Variants in LUC7L observed in about 807,000 individuals in gnomAD.
LUC7L encodes LUC7 like, also known as putative RNA-binding protein Luc7-like 1.
LUC7L carries 29 observed loss-of-function variants against 51.1 expected under a neutral mutation model. That is an observed-to-expected ratio of 0.57 (90% CI 0.42 to 0.77). The LOEUF is 0.77. Ranked by LOEUF, LUC7L falls within the 30% of genes least tolerant of loss-of-function variation. The probability of loss-of-function intolerance (pLI) is 0.00; values close to 1 mark genes in which losing one functional copy is unlikely to be tolerated. For synonymous variants in LUC7L, 181 were observed against 180.7 expected (o/e 1.00, Z -0.01); for missense variants, 403 against 511.9 (o/e 0.79, Z 2.05).
intron 9 of LUC7L, 38 bp downstream of exon 9, chr16:189,930 C>T (rs766191657): frequency 6.3e-7 from 1 of 1,585,256 alleles, no homozygotes; most frequent in Non-Finnish European, 8.6e-7. Flanking sequence ...GAAGGGCTCA[C>T]TCCTGGTTGC....
intron 5 of LUC7L, among the ~76,000 whole-genome samples, chr16:202,437 C>T (rs141622728): frequency 1.4e-4 from 22 of 152,252 alleles, no homozygotes; most frequent in African/African-American, 5.3e-4. Flanking sequence ...CACATCCAAA[C>T]CGTATCAAGT....
intron 3 of LUC7L, among the ~76,000 whole-genome samples, chr16:217,519 C>T (rs2049837990): frequency 6.6e-6 from 1 of 151,166 alleles, no homozygotes; most frequent in African/African-American, 2.4e-5. Context: ...CCAGCCTGGC[C>T]AACATGACAA....
chr16:228,305 A>T, intron 1 of LUC7L: 1 of 1,303,792 alleles, frequency 7.7e-7, no homozygotes. Context: ...TTTTTGTTAT[A>T]ACAGCTTAGA....
At chr16:227,920 T>G in intron 1 of LUC7L, 1 of 1,003,220 alleles carries the variant, frequency 1.0e-6, no homozygotes, top group Non-Finnish European at 1.2e-6. Context: ...AACAAGACAA[T>G]ACCAAAAAAA....
chr16:224,392 G>A (rs548219076), intron 2 of LUC7L, among the ~76,000 whole-genome samples: 2 of 151,844 alleles, frequency 1.3e-5, no homozygotes, highest in African/African-American at 2.4e-5. Flanking sequence ...GGTAGCGCAC[G>A]TTTGTAATCC....
At chr16:226,577 A>T (rs2050138510) in intron 2 of LUC7L, among the ~76,000 whole-genome samples, 1 of 152,226 alleles carries the variant, frequency 6.6e-6, no homozygotes, top group South Asian at 2.1e-4. Context: ...TACAAAATCA[A>T]TGTATCCTCA....
At chr16:217,142 G>A (rs907224431) in intron 3 of LUC7L, among the ~76,000 whole-genome samples, 9 of 151,958 alleles carry the variant, frequency 5.9e-5, no homozygotes, top group East Asian at 5.8e-4. Flanking sequence ...TCAGTCTCCC[G>A]AGTAGTTGGG....
At chr16:200,677 A>AT (rs1386052620) in intron 5 of LUC7L, among the ~76,000 whole-genome samples, 1 of 152,062 alleles carries the variant, frequency 6.6e-6, no homozygotes, top group Non-Finnish European at 1.5e-5. Context: ...GCCCCAGGAG[A>AT]TTGAGATCAC....
intron 7 of LUC7L, chr16:190,925 T>G: frequency 3.1e-5 from 6 of 193,248 alleles, no homozygotes; most frequent in Non-Finnish European, 5.3e-5. Flanking sequence ...AGCACCCCTA[T>G]TCCTCACCCT....
intron 5 of LUC7L, among the ~76,000 whole-genome samples, chr16:200,099 GC>G (rs956700819): frequency 1.3e-5 from 2 of 151,784 alleles, no homozygotes; most frequent in African/African-American, 2.4e-5. Context: ...GACGAGCCTG[GC>G]AACATAGCAA....
At chr16:192,790 G>T in intron 7 of LUC7L, 137 bp downstream of exon 7, 12 of 761,076 alleles carry the variant, frequency 1.6e-5, no homozygotes, top group Non-Finnish European at 2.7e-5. Context: ...GGCGTGAGCC[G>T]CCAGGCCTGG....
intron 2 of LUC7L, among the ~76,000 whole-genome samples, chr16:226,169 C>T (rs957220877): frequency 1.3e-5 from 2 of 152,228 alleles, no homozygotes; most frequent in Admixed American, 1.3e-4. Flanking sequence ...TTCGCATTTG[C>T]TGTCAGAAAA....
Position 189,967 on chromosome 16 carries a change from C to G in LUC7L, c.974+1G>C. 6 of 1,610,878 alleles carry G rather than the reference C, an allele frequency of 3.7e-6. No homozygotes were observed. Among genetic ancestry groups the G allele is most frequent in the Non-Finnish European group, 5.1e-6 (6 of 1,177,598 alleles). Reference sequence around the variant, plus strand: ...GCTACCGAAGGAGTCAGAGTAGTTACTTGTATTTCGCACTTCGGTCCCGGG... The same window carrying G: ...GCTACCGAAGGAGTCAGAGTAGTTAGTTGTATTTCGCACTTCGGTCCCGGG... On this transcript the variant is annotated splice_donor_variant, in intron 9 of 9. Transcript: ENST00000293872. LOFTEE classifies it high-confidence loss of function.
At chr16:198,669 T>C (rs553651464) in intron 6 of LUC7L, among the ~76,000 whole-genome samples, 49 of 152,234 alleles carry the variant, frequency 3.2e-4, no homozygotes, top group African/African-American at 1.1e-3. Flanking sequence ...CTCAAGTTCT[T>C]AGAGATCAGA....
chr16:219,000 G>A (rs1028556026), intron 3 of LUC7L, among the ~76,000 whole-genome samples: 15 of 149,664 alleles, frequency 1.0e-4, no homozygotes, highest in African/African-American at 1.5e-4. Context: ...TCAGGAATCC[G>A]AGGCAGGGCT....
intron 4 of LUC7L, among the ~76,000 whole-genome samples, chr16:207,493 T>G (rs1184167046): frequency 6.6e-6 from 1 of 152,162 alleles, no homozygotes; most frequent in Non-Finnish European, 1.5e-5. Flanking sequence ...GTGCTGGGAC[T>G]ACAAGCATAA....
At chr16:207,189 ACT>A (rs1415779035) in intron 4 of LUC7L, among the ~76,000 whole-genome samples, 1 of 149,980 alleles carries the variant, frequency 6.7e-6, no homozygotes, top group African/African-American at 2.4e-5. Context: ...ACAGAACAAG[ACT>A]CTGTCTCTTA....
intron 1 of LUC7L, 187 bp downstream of exon 1, chr16:229,092 C>T (rs1000616026): frequency 7.1e-7 from 1 of 1,410,754 alleles, no homozygotes; most frequent in Non-Finnish European, 9.2e-7. Context: ...CGACCTGGAC[C>T]CACGGCCGCC....
intron 5 of LUC7L, among the ~76,000 whole-genome samples, chr16:202,506 A>G (rs902781171): frequency 6.6e-6 from 1 of 152,120 alleles, no homozygotes; most frequent in African/African-American, 2.4e-5. Flanking sequence ...TTACGTACAC[A>G]AATATTTAGG....
Sources: allele counts gnomAD v4.1 joint callset (sites outside exome capture counted in the v4.1 genomes callset), GRCh38; gene constraint gnomAD v4.1.1; transcripts MANE v1.5; gene names NCBI Gene and HGNC (gene_info 2026-07-23, HGNC 2026-07-21).